The following ANKRD11 variants were observed in gnomAD, a reference collection of about 807,000 sequenced individuals.
The protein encoded by ANKRD11 is ankyrin repeat domain-containing protein 11.
A neutral mutation model predicts 195.7 loss-of-function variants in ANKRD11; 17 were observed. The ratio of observed to expected loss-of-function variants is 0.09; its 90% CI spans 0.06 to 0.13. ANKRD11 has a LOEUF of 0.13. Ranked by LOEUF, ANKRD11 falls within the 10% of genes least tolerant of loss-of-function variation. ANKRD11 has a pLI of 1.00. For synonymous variants in ANKRD11, 1,953 were observed against 1,528.1 expected, an observed-to-expected ratio of 1.28 and a Z score of -6.49; for missense variants, 3,735 against 3,566.1, an observed-to-expected ratio of 1.05 and a Z score of -1.21.
intron 4 of ANKRD11, among the ~76,000 whole-genome samples, chr16:89,294,794 G>A (rs1743535487): frequency 6.6e-6 from 1 of 152,210 alleles, no homozygotes. Flanking sequence ...TCCTACCCCA[G>A]GCCTGGGATG....
chr16:89,371,659 T>A (rs567790380), intron 2 of ANKRD11, among the ~76,000 whole-genome samples: 2 of 152,070 alleles, frequency 1.3e-5, no homozygotes, highest in Non-Finnish European at 2.9e-5. Flanking sequence ...TGGAGGGCGA[T>A]GCAGACTCCC....
intron 1 of ANKRD11, among the ~76,000 whole-genome samples, chr16:89,428,671 G>T (rs144789939): frequency 0.019 from 2,821 of 151,234 alleles, 90 homozygotes; most frequent in African/African-American, 0.065. Context: ...CGAAGTGGAT[G>T]GATCACGAAG....
chr16:89,441,126 C>T (rs2043441777), intron 1 of ANKRD11, among the ~76,000 whole-genome samples: 1 of 151,662 alleles, frequency 6.6e-6, no homozygotes, highest in Non-Finnish European at 1.5e-5. Flanking sequence ...GTCCCAGCTA[C>T]TCGGGAGGCT....
chr16:89,454,103 G>A (rs1395471922), intron 1 of ANKRD11, among the ~76,000 whole-genome samples: 1 of 152,108 alleles, frequency 6.6e-6, no homozygotes, highest in African/African-American at 2.4e-5. Context: ...CATCATGGGG[G>A]AGTGCTTCAC....
chr16:89,319,055 C>T (rs1394944650), intron 2 of ANKRD11, among the ~76,000 whole-genome samples: 2 of 152,188 alleles, frequency 1.3e-5, no homozygotes, highest in African/African-American at 2.4e-5. Flanking sequence ...GTAATGTTTA[C>T]AAGTTTAAGG....
intron 1 of ANKRD11, among the ~76,000 whole-genome samples, chr16:89,473,407 G>A (rs1482133308): frequency 6.6e-6 from 1 of 152,148 alleles, no homozygotes; most frequent in Non-Finnish European, 1.5e-5. Flanking sequence ...CTGCTTCACT[G>A]ACCACATCCA....
At chr16:89,449,802 G>A (rs1015429464) in intron 1 of ANKRD11, among the ~76,000 whole-genome samples, 2 of 152,042 alleles carry the variant, frequency 1.3e-5, no homozygotes, top group Non-Finnish European at 2.9e-5. Flanking sequence ...TCAAAAAAAA[G>A]AAAAGTGTGC....
At chr16:89,405,541 C>T (rs1256679962) in intron 2 of ANKRD11, among the ~76,000 whole-genome samples, 2 of 141,300 alleles carry the variant, frequency 1.4e-5, no homozygotes, top group Non-Finnish European at 3.0e-5. Context: ...ACTATGTTGT[C>T]CGGGCTGGTC....
intron 1 of ANKRD11, among the ~76,000 whole-genome samples, chr16:89,449,493 C>T (rs559819609): frequency 6.6e-6 from 1 of 151,920 alleles, no homozygotes; most frequent in South Asian, 2.1e-4. Flanking sequence ...TTCTTCTATA[C>T]TTAGAAAGGG....
At chr16:89,411,806 GA>G (rs948893179) in intron 2 of ANKRD11, among the ~76,000 whole-genome samples, 2 of 152,050 alleles carry the variant, frequency 1.3e-5, no homozygotes, top group East Asian at 1.9e-4. Flanking sequence ...CTAGAGTGGG[GA>G]AAAAAAGAGA....
At chr16:89,384,479 GAATGGGACGAGATGGA>G in intron 2 of ANKRD11, among the ~76,000 whole-genome samples, 1 of 152,060 alleles carries the variant, frequency 6.6e-6, no homozygotes, top group Admixed American at 6.5e-5. Flanking sequence ...GACAAGATGG[GAATGGGACGAGATGGA>G]AATGGGACAG....
At chr16:89,312,150 G>A (rs373054408) in intron 3 of ANKRD11, among the ~76,000 whole-genome samples, 294 of 152,246 alleles carry the variant, frequency 1.9e-3, no homozygotes, top group African/African-American at 6.8e-3. Flanking sequence ...CTCATGCCTC[G>A]GCCTCCCAAA....
At chr16:89,448,728 A>C (rs938015005) in intron 1 of ANKRD11, among the ~76,000 whole-genome samples, 5 of 152,292 alleles carry the variant, frequency 3.3e-5, no homozygotes, top group African/African-American at 1.2e-4. Context: ...CAGTACCCTA[A>C]AATCATTTTC....
chr16:89,306,547 TACCTCCCACTCCGCAGACACGCGCC>T (rs2036261773), intron 3 of ANKRD11, among the ~76,000 whole-genome samples: 7 of 53,764 alleles, frequency 1.3e-4, no homozygotes, highest in South Asian at 7.8e-4. Context: ...ACGCGCCACT[TACCTCCCACTCCGCAGACACGCGCC>T]ACCTCCCACT....
At chr16:89,362,914 T>C (rs1373672741) in intron 2 of ANKRD11, among the ~76,000 whole-genome samples, 1 of 152,022 alleles carries the variant, frequency 6.6e-6, no homozygotes, top group African/African-American at 2.4e-5. Context: ...ATACAGAATG[T>C]GAGGTCCCGT....
intron 1 of ANKRD11, among the ~76,000 whole-genome samples, chr16:89,438,455 G>A (rs951906164): frequency 1.3e-5 from 2 of 152,098 alleles, no homozygotes; most frequent in Admixed American, 6.6e-5. Flanking sequence ...GAGTAGCTGG[G>A]ACTACTGGCG....
At chr16:89,408,931 G>T (rs1411249791) in intron 2 of ANKRD11, among the ~76,000 whole-genome samples, 3 of 152,218 alleles carry the variant, frequency 2.0e-5, no homozygotes, top group Admixed American at 6.5e-5. Context: ...GGAAATACAA[G>T]TGAACAGGCC....
chr16:89,483,122 C>A (rs891939131), intron 1 of ANKRD11, among the ~76,000 whole-genome samples: 31 of 152,324 alleles, frequency 2.0e-4, no homozygotes, highest in African/African-American at 7.0e-4. Flanking sequence ...TGTCTCCCTT[C>A]CACACCCTCC....
intron 1 of ANKRD11, among the ~76,000 whole-genome samples, chr16:89,427,073 C>T (rs543398686): frequency 3.0e-4 from 45 of 152,322 alleles, no homozygotes; most frequent in African/African-American, 1.1e-3. Context: ...AGCAGAGCTG[C>T]ATGATACAAG....
Sources: allele counts gnomAD v4.1 joint callset (sites outside exome capture counted in the v4.1 genomes callset), GRCh38; gene constraint gnomAD v4.1.1; transcripts MANE v1.5; gene names NCBI Gene and HGNC (gene_info 2026-07-23, HGNC 2026-07-21).